The following DOCK3 variants were observed in gnomAD, a reference collection of about 807,000 sequenced individuals.
The protein encoded by DOCK3 is dedicator of cytokinesis 3.
Under a neutral mutation model 265.6 loss-of-function variants are expected in DOCK3, and 60 were observed. The observed-to-expected ratio is 0.23, with a 90% CI of 0.18 to 0.28. The LOEUF (loss-of-function observed/expected upper bound fraction) is 0.28, where lower values mean the gene tolerates loss of function less well. DOCK3 is among the 10% of genes least tolerant of loss of function. The probability of loss-of-function intolerance (pLI) is 1.00; values close to 1 mark genes in which losing one functional copy is unlikely to be tolerated. For synonymous variants in DOCK3, 881 were observed against 938.0 expected (o/e 0.94, Z 1.11); for missense variants, 1,981 against 2,594.3 (o/e 0.76, Z 5.14).
At chr3:51,170,380 T>C (rs1313207854) in intron 12 of DOCK3, among the ~76,000 whole-genome samples, 4 of 152,204 alleles carry the variant, frequency 2.6e-5, no homozygotes. Context: ...CTTTTGGTCC[T>C]GGGCATTTCT....
At chr3:50,791,518 C>T (rs1334054279) in intron 2 of DOCK3, among the ~76,000 whole-genome samples, 1 of 152,080 alleles carries the variant, frequency 6.6e-6, no homozygotes, top group Non-Finnish European at 1.5e-5. Flanking sequence ...AGGTGATCCA[C>T]CCGCCTCGGC....
chr3:50,760,354 C>T (rs2040448334), intron 1 of DOCK3, among the ~76,000 whole-genome samples: 1 of 152,140 alleles, frequency 6.6e-6, no homozygotes, highest in Non-Finnish European at 1.5e-5. Flanking sequence ...TTTTTATATG[C>T]AGATGGTTCT....
At chr3:50,731,649 A>AT (rs1246649320) in intron 1 of DOCK3, among the ~76,000 whole-genome samples, 2 of 152,220 alleles carry the variant, frequency 1.3e-5, no homozygotes, top group Non-Finnish European at 2.9e-5. Flanking sequence ...CAGAAAAAAC[A>AT]TTAGGTAAAA....
At chr3:50,805,127 A>G (rs2043334380) in intron 2 of DOCK3, among the ~76,000 whole-genome samples, 1 of 152,080 alleles carries the variant, frequency 6.6e-6, no homozygotes, top group Non-Finnish European at 1.5e-5. Flanking sequence ...CATCTAGTGG[A>G]AAAGTCGCCT....
At chr3:51,250,245 T>A in intron 22 of DOCK3, among the ~76,000 whole-genome samples, 1 of 144,532 alleles carries the variant, frequency 6.9e-6, no homozygotes, top group African/African-American at 2.6e-5. Context: ...TCCCCCTCTG[T>A]GAGAAACACC....
At chr3:51,275,937 T>C (rs985418531) in intron 25 of DOCK3, among the ~76,000 whole-genome samples, 4 of 152,258 alleles carry the variant, frequency 2.6e-5, no homozygotes, top group African/African-American at 4.8e-5. Flanking sequence ...ATATTACTTA[T>C]AGAAAATTCA....
At chr3:50,708,295 G>A (rs2036543867) in intron 1 of DOCK3, among the ~76,000 whole-genome samples, 1 of 152,170 alleles carries the variant, frequency 6.6e-6, no homozygotes, top group African/African-American at 2.4e-5. Flanking sequence ...CTCTCAGGCT[G>A]TGGGGAGTGC....
chr3:51,253,193 C>T (rs950938288), intron 22 of DOCK3, among the ~76,000 whole-genome samples: 10 of 152,212 alleles, frequency 6.6e-5, no homozygotes, highest in Admixed American at 2.0e-4. Flanking sequence ...TTGAACCAGC[C>T]TTGCATCAAA....
At chr3:50,786,852 A>C in intron 2 of DOCK3, 2 of 740,996 alleles carry the variant, frequency 2.7e-6, no homozygotes, top group East Asian at 2.5e-5. Context: ...CTTTCGTCAC[A>C]GTTCTCGCAT....
intron 1 of DOCK3, among the ~76,000 whole-genome samples, chr3:50,738,070 C>G (rs2038761916): frequency 6.6e-6 from 1 of 152,180 alleles, no homozygotes; most frequent in African/African-American, 2.4e-5. Context: ...GTCATTCTGC[C>G]TGGAGATTAT....
intron 12 of DOCK3, among the ~76,000 whole-genome samples, chr3:51,180,464 T>G (rs2107721495): frequency 6.6e-6 from 1 of 152,290 alleles, no homozygotes; most frequent in Non-Finnish European, 1.5e-5. Flanking sequence ...AAGAATGTAT[T>G]GTTTGCCTCT....
chr3:51,364,439 GCC>G (rs1553873616), intron 49 of DOCK3, among the ~76,000 whole-genome samples: 8 of 152,158 alleles, frequency 5.3e-5, no homozygotes, highest in Non-Finnish European at 1.2e-4. Context: ...TCTGTAGGTT[GCC>G]TTTTCACTCT....
intron 5 of DOCK3, among the ~76,000 whole-genome samples, chr3:50,981,215 A>C (rs2077676558): frequency 6.6e-6 from 1 of 152,206 alleles, no homozygotes; most frequent in Admixed American, 6.5e-5. Context: ...GTGGTCATTC[A>C]AGAGCATGTT....
At chr3:50,957,460 A>G (rs1358470191) in intron 5 of DOCK3, among the ~76,000 whole-genome samples, 2 of 152,180 alleles carry the variant, frequency 1.3e-5, no homozygotes, top group Admixed American at 1.3e-4. Context: ...TTTTAGGACT[A>G]CCTTACTCTG....
intron 5 of DOCK3, among the ~76,000 whole-genome samples, chr3:51,025,093 G>A (rs2079757516): frequency 6.6e-6 from 1 of 152,168 alleles, no homozygotes; most frequent in African/African-American, 2.4e-5. Flanking sequence ...CCTAGGGGAA[G>A]TATTCTGGTT....
chr3:50,784,022 C>A (rs1291558937), intron 2 of DOCK3, among the ~76,000 whole-genome samples: 1 of 152,082 alleles, frequency 6.6e-6, no homozygotes, highest in Non-Finnish European at 1.5e-5. Context: ...TGCCTGCCAC[C>A]ACGCCTGGCT....
chr3:50,846,391 G>C (rs943735404), intron 3 of DOCK3, among the ~76,000 whole-genome samples: 1 of 152,186 alleles, frequency 6.6e-6, no homozygotes, highest in African/African-American at 2.4e-5. Flanking sequence ...ATCTTTTGAT[G>C]TGCTGCTGGA....
At chr3:51,089,910 A>G (rs2082573739) in intron 8 of DOCK3, among the ~76,000 whole-genome samples, 1 of 151,388 alleles carries the variant, frequency 6.6e-6, no homozygotes, top group Non-Finnish European at 1.5e-5. Flanking sequence ...AAAAAAAAAA[A>G]AAAAAAAAAA....
At chr3:51,273,429 C>T (rs1407784830) in intron 24 of DOCK3, among the ~76,000 whole-genome samples, 1 of 152,150 alleles carries the variant, frequency 6.6e-6, no homozygotes, top group Non-Finnish European at 1.5e-5. Context: ...AGGTTCTTTA[C>T]CAGTGATGTC....
Sources: allele counts gnomAD v4.1 joint callset (sites outside exome capture counted in the v4.1 genomes callset), GRCh38; gene constraint gnomAD v4.1.1; transcripts MANE v1.5; gene names NCBI Gene and HGNC (gene_info 2026-07-23, HGNC 2026-07-21).